The following C6 variants were observed in gnomAD, a reference collection of about 807,000 sequenced individuals.
The protein encoded by C6 is complement C6, also known as complement component C6.
Under a neutral mutation model 112.9 loss-of-function variants are expected in C6, and 101 were observed. The ratio of observed to expected loss-of-function variants is 0.89; its 90% CI spans 0.76 to 1.06. The LOEUF is 1.06. Ranked by LOEUF, C6 falls within the 50% of genes least tolerant of loss-of-function variation. The probability of loss-of-function intolerance (pLI) is 0.00; values close to 1 mark genes in which losing one functional copy is unlikely to be tolerated. For synonymous variants in C6, 431 were observed against 384.1 expected (o/e 1.12, Z -1.43); for missense variants, 1,202 against 1,104.6 (o/e 1.09, Z -1.25).
Position 41,204,665 on chromosome 5 carries a change from TTTTTC to T in C6, c.-20-1420_-20-1416del, listed in dbSNP as rs1304725702. ...TTGTTAATAAATCAGTAAGCTTTTT[TTTTTC>T]TTTTTTTTTTTTTTTTTGAGATGGA... On this transcript the variant is annotated intron_variant, in intron 1 of 17. Coordinates refer to ENST00000337836, the MANE Select transcript of C6 (RefSeq NM_000065.5). 2.5e-3 allele frequency among the ~76,000 whole-genome samples: 364 copies of T among 148,106 alleles called. 3 individuals are homozygous for T. Among genetic ancestry groups the T allele is most frequent in the African/African-American group, 8.7e-3 (342 of 39,136 alleles).
At position 41,154,883 on chromosome 5, in the gene C6, A is replaced by G. The variant is rs867135403; in HGVS notation, c.2101+89T>C. On this transcript the variant is annotated intron_variant, in intron 14 of 17. Transcript: ENST00000337836. ...GAGTTACTAAAAACTAGTAAAATGT[A>G]TTGATCTAAGGATGTGATTTTACTG... The G allele has an allele frequency of 4.6e-5, 61 of 1,315,532 alleles. No individual in the cohort carries two copies. The Middle Eastern group carries it at 9.2e-4, about 20-fold the overall frequency. The allele number at this position is 1,315,532 out of a possible 1,614,324, so 81.5% of individuals were successfully genotyped here. A position where few individuals can be genotyped will look rare whatever the true frequency, so the allele number is the denominator to read the frequency against.
chr5:41,183,838 T>A (rs1749548309), intron 6 of C6, among the ~76,000 whole-genome samples: 1 of 152,142 alleles, frequency 6.6e-6, no homozygotes, highest in African/African-American at 2.4e-5. Context: ...GCAACATGGA[T>A]ACAGCTGGAG....
intron 1 of C6, among the ~76,000 whole-genome samples, chr5:41,212,742 C>G (rs767398935): frequency 6.6e-6 from 1 of 152,142 alleles, no homozygotes; most frequent in Non-Finnish European, 1.5e-5. Context: ...GTTGCCATCC[C>G]CTCTTGAGTT....
chr5:41,205,946 G>T (rs1171490954), intron 1 of C6, among the ~76,000 whole-genome samples: 2 of 152,182 alleles, frequency 1.3e-5, no homozygotes, highest in Non-Finnish European at 2.9e-5. Context: ...CCCCCGAGTA[G>T]CCTAACTGGG....
chr5:41,224,093 A>T (rs912707794), intron 1 of C6, among the ~76,000 whole-genome samples: 4 of 152,208 alleles, frequency 2.6e-5, no homozygotes, highest in African/African-American at 9.6e-5. Flanking sequence ...GCACGACATG[A>T]TGTTTTGATA....
At chr5:41,150,241 G>A (rs948480186) in intron 15 of C6, among the ~76,000 whole-genome samples, 1 of 152,092 alleles carries the variant, frequency 6.6e-6, no homozygotes. Flanking sequence ...CTAAAATTGC[G>A]ATTATGTTCA....
intron 1 of C6, among the ~76,000 whole-genome samples, chr5:41,252,814 T>C (rs1741449706): frequency 6.6e-6 from 1 of 152,200 alleles, no homozygotes; most frequent in Non-Finnish European, 1.5e-5. Context: ...TTATCTTAAC[T>C]TTTTCAACCA....
intron 1 of C6, among the ~76,000 whole-genome samples, chr5:41,244,091 T>C (rs1740886107): frequency 6.6e-6 from 1 of 152,198 alleles, no homozygotes; most frequent in Admixed American, 6.5e-5. Flanking sequence ...CATAATCTAA[T>C]ATTAAAAGGG....
At position 41,156,633 on chromosome 5, in the gene C6, T is replaced by A. The variant is rs560618030; in HGVS notation, c.1969-1529A>T. On this transcript the variant is annotated intron_variant, in intron 13 of 17. Coordinates refer to ENST00000337836, the MANE Select transcript of C6 (RefSeq NM_000065.5). ...GAGCGGTGAAAGCTTAATTGTCAGC[T>A]TATGTTGTTACTTGGCCATATGGTT... is the stretch of plus-strand genomic sequence containing the variant. Among the ~76,000 whole-genome samples, 4 of 152,296 alleles carry A rather than the reference T, an allele frequency of 2.6e-5. No homozygotes were observed. In the East Asian group the frequency reaches 7.7e-4, roughly 29 times the overall value.
intron 1 of C6, among the ~76,000 whole-genome samples, chr5:41,248,931 A>G (rs1741178593): frequency 6.6e-6 from 1 of 152,196 alleles, no homozygotes; most frequent in Non-Finnish European, 1.5e-5. Flanking sequence ...GTGGTCATCA[A>G]TGGTGGATTG....
intron 1 of C6, among the ~76,000 whole-genome samples, chr5:41,250,693 A>G (rs771261611): frequency 2.0e-5 from 3 of 152,178 alleles, no homozygotes; most frequent in Non-Finnish European, 4.4e-5. Flanking sequence ...CATAGAGTAT[A>G]GCCAAGCTTG....
intron 1 of C6, among the ~76,000 whole-genome samples, chr5:41,221,099 G>A (rs1739141508): frequency 6.6e-6 from 1 of 150,998 alleles, no homozygotes; most frequent in African/African-American, 2.4e-5. Context: ...CCCTGTCCCA[G>A]CCCTGCAGTT....
intron 5 of C6, among the ~76,000 whole-genome samples, chr5:41,193,157 A>G (rs550237249): frequency 1.3e-5 from 2 of 152,344 alleles, no homozygotes; most frequent in East Asian, 3.9e-4. Context: ...CATTGACCTT[A>G]TACTGCTTTA....
chr5:41,172,472 C>T lies in C6; in HGVS notation c.1169-125G>A, dbSNP rs185685531. Reference sequence around the variant, plus strand: ...TATTAGCCCCTCTCTTCCCCAGTCCCCATAATCTTAAGTGACAGCTCAAGT... The same window carrying T: ...TATTAGCCCCTCTCTTCCCCAGTCCTCATAATCTTAAGTGACAGCTCAAGT... On this transcript the variant is annotated intron_variant, in intron 8 of 17. Coordinates refer to ENST00000337836, the MANE Select transcript of C6 (RefSeq NM_000065.5). The T allele has an allele frequency of 1.2e-5, 11 of 924,396 alleles. No individual in the cohort carries two copies. In the East Asian group the frequency reaches 1.6e-4, roughly 13 times the overall value. 57.3% of individuals were successfully genotyped at this position (924,396 alleles called of 1,614,324 possible). A position where few individuals can be genotyped will look rare whatever the true frequency, so the allele number is the denominator to read the frequency against.
At chr5:41,172,201 G>T in intron 9 of C6, 24 bp downstream of exon 9, 2 of 1,612,874 alleles carry the variant, frequency 1.2e-6, no homozygotes, top group Non-Finnish European at 8.5e-7. Context: ...CACTGGATAA[G>T]CTGCTAAGAG....
intron 1 of C6, among the ~76,000 whole-genome samples, chr5:41,247,885 C>CAA (rs968745985): frequency 4.0e-5 from 6 of 151,108 alleles, no homozygotes; most frequent in African/African-American, 1.5e-4. Flanking sequence ...CCAGAATAAG[C>CAA]AAAAAAAACA....
At chr5:41,228,632 A>G (rs1739679607) in intron 1 of C6, among the ~76,000 whole-genome samples, 1 of 152,134 alleles carries the variant, frequency 6.6e-6, no homozygotes, top group South Asian at 2.1e-4. Flanking sequence ...CATTCTTTAT[A>G]TGCCTAATTC....
At chr5:41,144,706 T>C (rs1017771476) in intron 17 of C6, among the ~76,000 whole-genome samples, 2 of 152,140 alleles carry the variant, frequency 1.3e-5, no homozygotes, top group African/African-American at 4.8e-5. Context: ...GCATAGTGCA[T>C]GATGGGTAGT....
Position 41,186,146 on chromosome 5 carries a change from A to G in C6, c.650T>C (p.Ile217Thr), listed in dbSNP as rs147018902. Reference protein sequence around the residue: ...EVLDNSFTGGICKTVKSSRTS... With the variant: ...EVLDNSFTGGTCKTVKSSRTS... ...CCTACTGCTTTTGACAGTTTTACAT[A>G]TTCCTCCAGTGAAAGAGTTATCAAG... is the stretch of plus-strand genomic sequence containing the variant. Residue 217 changes from isoleucine to threonine, a missense_variant, in exon 6 of 18, where the codon ATA becomes ACA. Ile to Thr is a moderately conservative substitution (Grantham distance 89). Transcript: ENST00000337836. 1,664 of 1,613,944 alleles carry G rather than the reference A, an allele frequency of 1.0e-3. 1 individual carries two copies. The highest frequency in any genetic ancestry group is 1.8e-3 in the Middle Eastern group (11 of 6,056).
Sources: allele counts gnomAD v4.1 joint callset (sites outside exome capture counted in the v4.1 genomes callset), GRCh38; gene constraint gnomAD v4.1.1; transcripts MANE v1.5; gene names NCBI Gene and HGNC (gene_info 2026-07-23, HGNC 2026-07-21).